ADGRB3: variants seen among roughly 807,000 people sequenced by gnomAD.
The protein encoded by ADGRB3 is brain-specific angiogenesis inhibitor 3.
ADGRB3 carries 37 observed loss-of-function variants against 193.4 expected under a neutral mutation model. That is an observed-to-expected ratio of 0.19 (90% confidence interval 0.15 to 0.25). The LOEUF (loss-of-function observed/expected upper bound fraction) is 0.25. Among genes scored for constraint, ADGRB3 ranks in the 10% least tolerant of loss-of-function variants. ADGRB3 has a pLI of 1.00. For missense variants in ADGRB3, 1,637 were observed against 1,852.9 expected (o/e 0.88, Z 2.14); for synonymous variants, 690 against 644.2 (o/e 1.07, Z -1.08).
intron 3 of ADGRB3, among the ~76,000 whole-genome samples, chr6:68,883,790 GGGTCTGCGGCTTCATTCTT>G (rs1765812904): frequency 1.3e-5 from 2 of 152,148 alleles, no homozygotes; most frequent in Non-Finnish European, 2.9e-5. Context: ...CTCACCGCCA[GGGTCTGCGGCTTCATTCTT>G]GAAGTCGGTG....
chr6:68,823,590 A>C (rs751908150), intron 3 of ADGRB3, among the ~76,000 whole-genome samples: 1 of 152,032 alleles, frequency 6.6e-6, no homozygotes, highest in African/African-American at 2.4e-5. Flanking sequence ...CCATTTGCTC[A>C]TGGAAAGATG....
At chr6:68,971,782 T>C (rs945145588) in intron 8 of ADGRB3, among the ~76,000 whole-genome samples, 3 of 152,202 alleles carry the variant, frequency 2.0e-5, no homozygotes, top group Admixed American at 2.0e-4. Flanking sequence ...GGCTCCAACA[T>C]TTACTAACTT....
In ADGRB3 at chr6:69,250,499, T is replaced by C. The variant is rs145820609; in HGVS notation, c.2814+11273T>C. Among the ~76,000 whole-genome samples the C allele has an allele frequency of 2.1e-4, 32 of 152,296 alleles. No homozygotes were observed. In the East Asian group the frequency reaches 5.6e-3, roughly 27 times the overall value. ...CAATTATCTATTGCTATGTAACAAATTACCTCAAAGCTTAGTAGCTCAAAA... is the reference window on the plus strand; with the variant it reads ...CAATTATCTATTGCTATGTAACAAACTACCTCAAAGCTTAGTAGCTCAAAA... On this transcript the variant is annotated intron_variant, in intron 20 of 31. Coordinates refer to ENST00000370598, the MANE Select transcript of ADGRB3 (RefSeq NM_001704.3).
intron 20 of ADGRB3, among the ~76,000 whole-genome samples, chr6:69,310,494 A>T (rs1234921545): frequency 2.0e-5 from 3 of 151,718 alleles, no homozygotes; most frequent in Non-Finnish European, 3.0e-5. Flanking sequence ...TAGTAATAAA[A>T]TTTAGCTACA....
chr6:69,364,452 G>A (rs1440639011), intron 29 of ADGRB3, among the ~76,000 whole-genome samples: 1 of 152,054 alleles, frequency 6.6e-6, no homozygotes, highest in East Asian at 1.9e-4. Flanking sequence ...CTTCATGGGA[G>A]TTTGTTCAGC....
At chr6:68,971,139 C>A (rs753245123) in intron 8 of ADGRB3, among the ~76,000 whole-genome samples, 13 of 152,142 alleles carry the variant, frequency 8.5e-5, no homozygotes, top group Non-Finnish European at 1.3e-4. Context: ...TCATGGGTTT[C>A]ATCTCTGTGG....
chr6:69,232,484 G>A, intron 17 of ADGRB3: 1 of 1,534,176 alleles, frequency 6.5e-7, no homozygotes, highest in Non-Finnish European at 8.7e-7. Context: ...CTGGACTTTG[G>A]GGTGGGGTTA....
chr6:68,988,502 C>T (rs903995104), intron 10 of ADGRB3, among the ~76,000 whole-genome samples: 1 of 152,008 alleles, frequency 6.6e-6, no homozygotes, highest in African/African-American at 2.4e-5. Context: ...TGGGGTGAAC[C>T]AAGCTGACCA....
chr6:68,882,512 G>T (rs1226628615), intron 3 of ADGRB3, among the ~76,000 whole-genome samples: 1 of 151,976 alleles, frequency 6.6e-6, no homozygotes, highest in Non-Finnish European at 1.5e-5. Context: ...TCATCTCAAA[G>T]GTTTTAAAAG....
chr6:69,331,420 C>A (rs1768726019), intron 23 of ADGRB3: 2 of 369,848 alleles, frequency 5.4e-6, no homozygotes, highest in Non-Finnish European at 7.5e-6. Flanking sequence ...TATTGCTATA[C>A]AATTATATTT....
At chr6:69,253,067 G>T (rs988469792) in intron 20 of ADGRB3, among the ~76,000 whole-genome samples, 8 of 151,998 alleles carry the variant, frequency 5.3e-5, no homozygotes, top group African/African-American at 1.7e-4. Flanking sequence ...CCATTAAATT[G>T]CTTTGGTAGC....
intron 20 of ADGRB3, among the ~76,000 whole-genome samples, chr6:69,287,559 C>T (rs1351777503): frequency 6.6e-6 from 1 of 152,162 alleles, no homozygotes; most frequent in Non-Finnish European, 1.5e-5. Flanking sequence ...ATTAAAACTT[C>T]ACAAGAACCC....
intron 3 of ADGRB3, among the ~76,000 whole-genome samples, chr6:68,692,192 C>T (rs1765087592): frequency 6.6e-6 from 1 of 151,772 alleles, no homozygotes. Context: ...TAAACATTTT[C>T]TAACATTTGA....
intron 29 of ADGRB3, among the ~76,000 whole-genome samples, chr6:69,366,347 A>G (rs1769567416): frequency 6.6e-6 from 1 of 152,090 alleles, no homozygotes; most frequent in Non-Finnish European, 1.5e-5. Context: ...CCTTGCAAGT[A>G]GGTTTATTGG....
intron 17 of ADGRB3, among the ~76,000 whole-genome samples, chr6:69,206,878 CT>C (rs1462132660): frequency 5.9e-5 from 9 of 152,142 alleles, no homozygotes; most frequent in Non-Finnish European, 1.0e-4. Context: ...GTGACCCAAA[CT>C]TTCTTTCTTG....
At chr6:68,902,673 C>G (rs1766430358) in intron 3 of ADGRB3, among the ~76,000 whole-genome samples, 1 of 151,834 alleles carries the variant, frequency 6.6e-6, no homozygotes, top group Admixed American at 6.6e-5. Flanking sequence ...CTATAACTAG[C>G]TATAAAAGTG....
intron 3 of ADGRB3, among the ~76,000 whole-genome samples, chr6:68,677,153 A>G (rs1430944692): frequency 6.6e-6 from 1 of 152,152 alleles, no homozygotes; most frequent in African/African-American, 2.4e-5. Context: ...TCCGTTGTTT[A>G]TTTTATTCAG....
chr6:68,665,250 T>G (rs1006566927), intron 3 of ADGRB3, among the ~76,000 whole-genome samples: 2 of 151,856 alleles, frequency 1.3e-5, no homozygotes, highest in African/African-American at 4.8e-5. Flanking sequence ...AGTCTTGGTA[T>G]TTTGTAGGTT....
At chr6:69,341,707 A>G (rs1044276616) in intron 26 of ADGRB3, among the ~76,000 whole-genome samples, 4 of 152,172 alleles carry the variant, frequency 2.6e-5, no homozygotes, top group Non-Finnish European at 5.9e-5. Context: ...AACTATAACT[A>G]TCTTATGGGT....
Sources: allele counts gnomAD v4.1 joint callset (sites outside exome capture counted in the v4.1 genomes callset), GRCh38; gene constraint gnomAD v4.1.1; transcripts MANE v1.5; gene names NCBI Gene and HGNC (gene_info 2026-07-23, HGNC 2026-07-21).